Variants in SLC1A7 observed in about 807,000 individuals in gnomAD.
The protein encoded by SLC1A7 is excitatory amino acid transporter 5.
A neutral mutation model predicts 47.7 loss-of-function variants in SLC1A7; 40 were observed. The ratio of observed to expected loss-of-function variants is 0.84; its 90% confidence interval spans 0.65 to 1.09. SLC1A7 has a LOEUF of 1.09. Ranked by LOEUF, SLC1A7 falls within the 50% of genes least tolerant of loss-of-function variation. The pLI is 0.00. For missense variants in SLC1A7, 746 were observed against 769.5 expected, an observed-to-expected ratio of 0.97 and a Z score of 0.36; for synonymous variants, 323 against 325.6, an observed-to-expected ratio of 0.99 and a Z score of 0.09.
Position 53,088,095 on chromosome 1 carries a change from C to T in SLC1A7, c.1597G>A (p.Val533Ile), listed in dbSNP as rs145316839. 35 of 1,611,230 alleles carry T rather than the reference C, an allele frequency of 2.2e-5. No homozygotes were observed. Among genetic ancestry groups the T allele is most frequent in the Middle Eastern group, 1.7e-4 (1 of 6,004 alleles). The change falls in exon 11 of 11, where the codon GTT becomes ATT. Residue 533 changes from valine (V) to isoleucine (I), a missense_variant. Coordinates refer to ENST00000371494, the MANE Select transcript of SLC1A7 (RefSeq NM_006671.6). ...LGPTCPHHVP[V>I]QVEQDEELPA... The stretch of plus-strand genomic sequence containing the variant: ...AGCTCCTCATCCTGCTCCACTTGAA[C>T]GGGGACGTGGTGGGGGCAGGTGGGG...
chr1:53,113,452 C>T (rs980925962), intron 3 of SLC1A7, among the ~76,000 whole-genome samples: 13 of 152,192 alleles, frequency 8.5e-5, no homozygotes, highest in Admixed American at 2.6e-4. Flanking sequence ...GACCATCCAT[C>T]GCTTGGTGAC....
intron 2 of SLC1A7, among the ~76,000 whole-genome samples, chr1:53,117,940 G>A (rs1029006908): frequency 3.9e-5 from 6 of 152,248 alleles, no homozygotes; most frequent in Non-Finnish European, 7.3e-5. Flanking sequence ...TTCTGTGCTG[G>A]AGCCTCCCTC....
chr1:53,128,301 C>T (rs1644905029), intron 2 of SLC1A7, among the ~76,000 whole-genome samples: 2 of 152,280 alleles, frequency 1.3e-5, no homozygotes, highest in South Asian at 4.1e-4. Flanking sequence ...ATAGTGAGAG[C>T]CCCATGTCTA....
chr1:53,108,435 T>G (rs1279964572), intron 3 of SLC1A7: 1 of 623,280 alleles, frequency 1.6e-6, no homozygotes, highest in African/African-American at 1.9e-5. Context: ...GTCTCCATTC[T>G]CCCGTCCTTC....
At chr1:53,118,049 C>G (rs907632179) in intron 2 of SLC1A7, among the ~76,000 whole-genome samples, 1 of 152,260 alleles carries the variant, frequency 6.6e-6, no homozygotes, top group African/African-American at 2.4e-5. Flanking sequence ...CCAGGGCCAC[C>G]GCAGGTGAGG....
In SLC1A7 at chr1:53,134,752, C is replaced by T. The variant is rs1170796574; in HGVS notation, c.136-323G>A. Among the ~76,000 whole-genome samples the T allele has an allele frequency of 3.9e-5, 6 of 152,116 alleles. No individual in the cohort carries two copies. The East Asian group carries it at 9.6e-4, about 24-fold the overall frequency. On this transcript the variant is annotated intron_variant, in intron 1 of 10. Transcript: ENST00000371494. Reference sequence around the variant, plus strand: ...ATTCTCAGCGGACAGGTTCCGAGACCGCCAGTGGATGCCTGAAACCACAGA... The same window carrying T: ...ATTCTCAGCGGACAGGTTCCGAGACTGCCAGTGGATGCCTGAAACCACAGA...
intron 7 of SLC1A7, 51 bp downstream of exon 7, chr1:53,092,503 A>C: frequency 7.5e-7 from 1 of 1,335,748 alleles, no homozygotes; most frequent in Non-Finnish European, 1.1e-6. Context: ...ACAGACGGAC[A>C]GGGCTCAGCC....
intron 7 of SLC1A7, among the ~76,000 whole-genome samples, chr1:53,091,616 C>T (rs752066705): frequency 4.4e-4 from 67 of 152,194 alleles, no homozygotes; most frequent in Non-Finnish European, 3.1e-4. Context: ...CTGGGGTCTG[C>T]TCCTGAATCC....
At chr1:53,133,655 C>G (rs1290874550) in intron 2 of SLC1A7, among the ~76,000 whole-genome samples, 1 of 152,184 alleles carries the variant, frequency 6.6e-6, no homozygotes. Context: ...TAGGGTTGCT[C>G]AAGTTCACCT....
At chr1:53,118,999 A>G (rs190039873) in intron 2 of SLC1A7, among the ~76,000 whole-genome samples, 239 of 152,336 alleles carry the variant, frequency 1.6e-3, no homozygotes, top group Non-Finnish European at 3.0e-3. Context: ...CTCCGTTTCA[A>G]AAAAAAATTT....
chr1:53,110,795 GCT>G (rs1202860954), intron 3 of SLC1A7, among the ~76,000 whole-genome samples: 1 of 152,058 alleles, frequency 6.6e-6, no homozygotes, highest in East Asian at 1.9e-4. Flanking sequence ...GCTTGCCCCT[GCT>G]CTGTTTGCTG....
At chr1:53,116,117 T>A (rs1408864418) in intron 2 of SLC1A7, 1 of 152,300 alleles carries the variant, frequency 6.6e-6, no homozygotes, top group African/African-American at 2.4e-5. Context: ...TTAGATTCCA[T>A]GCAGCAGCAT....
chr1:53,129,526 G>GAT lies in SLC1A7; in HGVS notation c.215+4823_215+4824insAT, dbSNP rs1553164864. Reference sequence around the variant, plus strand: ...GTTGGACTGAAGCACACATGTCTGAGGAGGGACTTGGGCCAGGGGCTGGGT... The same window carrying GAT: ...GTTGGACTGAAGCACACATGTCTGAGATGAGGGACTTGGGCCAGGGGCTGGGT... On this transcript the variant is annotated intron_variant, in intron 2 of 10. Coordinates refer to ENST00000371494, the MANE Select transcript of SLC1A7 (RefSeq NM_006671.6). 8.2e-3 allele frequency among the ~76,000 whole-genome samples: 857 copies of GAT among 104,124 alleles called. 1 individual carries two copies. The highest frequency in any genetic ancestry group is 0.014 in the East Asian group (51 of 3,542). The allele number at this position is 104,124 out of a possible 152,430, so 68.3% of individuals were successfully genotyped here. A position where few individuals can be genotyped will look rare whatever the true frequency, so the allele number is the denominator to read the frequency against.
chr1:53,132,483 A>G (rs1644951522), intron 2 of SLC1A7, among the ~76,000 whole-genome samples: 1 of 152,158 alleles, frequency 6.6e-6, no homozygotes, highest in Admixed American at 6.5e-5. Flanking sequence ...TGGAGCTGCC[A>G]TTTGCAGACA....
rs761184699 is a variant in SLC1A7 at position 53,090,641 on chromosome 1, C to T, written c.1197G>A (p.Glu399=). 1.2e-6 allele frequency: 2 copies of T among 1,604,784 alleles called. No homozygotes were observed. The highest frequency in any genetic ancestry group is 1.1e-5 in the South Asian group (1 of 89,848). ...AIFIAQVNNY[E]LDFGQIITIS... ...TGGTGATGATCTGGCCAAAGTCCAG[C>T]TCGTAGTTGTTGACCTGGGCGATGA... The change falls in exon 8 of 11, where the codon GAG becomes GAA. Residue 399 remains glutamate, a synonymous_variant. Coordinates refer to ENST00000371494, the MANE Select transcript of SLC1A7 (RefSeq NM_006671.6).
intron 3 of SLC1A7, chr1:53,108,529 G>A (rs541411920): frequency 3.6e-4 from 258 of 716,650 alleles, no homozygotes; most frequent in Non-Finnish European, 6.0e-4. Flanking sequence ...GGTGGCCATC[G>A]AGAGGTGAGT....
At chr1:53,127,270 G>T (rs1477561750) in intron 2 of SLC1A7, among the ~76,000 whole-genome samples, 1 of 152,124 alleles carries the variant, frequency 6.6e-6, no homozygotes, top group East Asian at 1.9e-4. Flanking sequence ...CCTGTATGGG[G>T]CAGTGAGAAA....
chr1:53,103,054 G>A (rs907316804), intron 5 of SLC1A7: 3 of 329,474 alleles, frequency 9.1e-6, no homozygotes, highest in African/African-American at 6.3e-5. Context: ...ATAGGTGAGG[G>A]GCCTGGCATC....
intron 2 of SLC1A7, among the ~76,000 whole-genome samples, chr1:53,118,791 A>T (rs1056645345): frequency 7.9e-5 from 12 of 152,202 alleles, no homozygotes; most frequent in African/African-American, 2.7e-4. Flanking sequence ...TGAGGTCAGG[A>T]GTTCGAGACC....
Sources: gnomAD v4.1 joint callset for allele counts (sites outside exome capture counted in the v4.1 genomes callset) on GRCh38, gnomAD v4.1.1 for gene constraint, MANE v1.5 for transcripts, NCBI Gene and HGNC (gene_info 2026-07-23, HGNC 2026-07-21) for gene names.